FAT3: variants seen among roughly 807,000 people sequenced by gnomAD.
FAT3 encodes protocadherin Fat 3.
In FAT3, 95 loss-of-function variants were observed where a neutral mutation model predicts 310.2. The observed-to-expected ratio is 0.31, with a 90% CI of 0.26 to 0.36. The LOEUF (loss-of-function observed/expected upper bound fraction) is 0.36. FAT3 is among the 10% of genes least tolerant of loss of function. The probability of loss-of-function intolerance (pLI) is 1.00; values close to 1 mark genes in which losing one functional copy is unlikely to be tolerated. For synonymous variants in FAT3, 2,314 were observed against 2,192.9 expected (o/e 1.06, Z -1.54); for missense variants, 5,408 against 5,715.6 (o/e 0.95, Z 1.74).
At chr11:92,343,611 G>A in intron 1 of FAT3, among the ~76,000 whole-genome samples, 1 of 152,304 alleles carries the variant, frequency 6.6e-6, no homozygotes, top group Middle Eastern at 3.4e-3. Flanking sequence ...GTTAGACCTT[G>A]TAGCTCACAG....
intron 2 of FAT3, among the ~76,000 whole-genome samples, chr11:92,507,570 A>G (rs1455211255): frequency 6.6e-6 from 1 of 151,830 alleles, no homozygotes; most frequent in Non-Finnish European, 1.5e-5. Context: ...ATACACACAC[A>G]TATCCTATAT....
chr11:92,862,855 G>A (rs1949154446), intron 21 of FAT3, among the ~76,000 whole-genome samples: 1 of 152,104 alleles, frequency 6.6e-6, no homozygotes, highest in South Asian at 2.1e-4. Context: ...TTTTTTGCCT[G>A]TGAGGAAACT....
chr11:92,478,295 C>T (rs1477905594), intron 2 of FAT3, among the ~76,000 whole-genome samples: 1 of 152,172 alleles, frequency 6.6e-6, no homozygotes, highest in Non-Finnish European at 1.5e-5. Flanking sequence ...TTTTCCCAGT[C>T]ACCCAGACTT....
In FAT3 at chr11:92,568,487, G is replaced by A. The variant is rs538670836; in HGVS notation, c.3607+43539G>A. Among the ~76,000 whole-genome samples, 122 of 152,218 alleles carry A rather than the reference G, an allele frequency of 8.0e-4. 3 individuals carry two copies. In the South Asian group the frequency reaches 0.025, roughly 31 times the overall value. ...CATTGCCTCACGGGGATTGATGCTAGCAATGGAAAGAACATGAAATTTGTT... is the reference window on the plus strand; with the variant it reads ...CATTGCCTCACGGGGATTGATGCTAACAATGGAAAGAACATGAAATTTGTT... On this transcript the variant is annotated intron_variant, in intron 3 of 27. Coordinates refer to ENST00000525166, the MANE Select transcript of FAT3 (RefSeq NM_001367949.2).
rs751825746 is a variant in FAT3, at chr11:92,719,720, CTGTGTGTGTG to C, written c.3669+22317_3669+22326del. Among the ~76,000 whole-genome samples the C allele has an allele frequency of 3.0e-3, 404 of 136,846 alleles. 1 individual carries two copies. The highest frequency in any genetic ancestry group is 8.8e-3 in the African/African-American group (318 of 36,176). The allele number at this position is 136,846 out of a possible 152,430, so 89.8% of individuals were successfully genotyped here. On this transcript the variant is annotated intron_variant, in intron 4 of 27. Transcript: ENST00000525166. Reference sequence around the variant, plus strand: ...ACCCATGGATACAGGAGAACCAACTCTGTGTGTGTGTGTGTGTGTGTGTGTGTGTGTGTGT... The same window carrying C: ...ACCCATGGATACAGGAGAACCAACTCTGTGTGTGTGTGTGTGTGTGTGTGT...
intron 2 of FAT3, among the ~76,000 whole-genome samples, chr11:92,478,571 C>T (rs1302058061): frequency 6.6e-6 from 1 of 151,730 alleles, no homozygotes; most frequent in East Asian, 1.9e-4. Flanking sequence ...CCCCAAACAA[C>T]CTGACAACCT....
intron 3 of FAT3, among the ~76,000 whole-genome samples, chr11:92,533,886 G>A (rs1410735945): frequency 6.6e-6 from 1 of 152,068 alleles, no homozygotes; most frequent in East Asian, 1.9e-4. Context: ...GAATTATTTG[G>A]GAGGGTGATA....
chr11:92,748,391 T>C (rs771872728), intron 4 of FAT3, among the ~76,000 whole-genome samples: 1 of 152,180 alleles, frequency 6.6e-6, no homozygotes, highest in Non-Finnish European at 1.5e-5. Flanking sequence ...GAGATTTGGG[T>C]GGGGATAAAG....
chr11:92,284,134 A>G (rs527433928), intron 1 of FAT3, among the ~76,000 whole-genome samples: 95 of 152,234 alleles, frequency 6.2e-4, no homozygotes, highest in Non-Finnish European at 1.2e-3. Context: ...GGTGCAGAAT[A>G]AAGTGCACCT....
intron 2 of FAT3, among the ~76,000 whole-genome samples, chr11:92,393,134 A>G (rs147249413): frequency 3.9e-5 from 6 of 152,218 alleles, no homozygotes; most frequent in Non-Finnish European, 7.4e-5. Context: ...TCTAGCTGCT[A>G]TTTCTTTTCC....
At chr11:92,822,627 TCA>T (rs1431328281) in intron 13 of FAT3, among the ~76,000 whole-genome samples, 9 of 152,172 alleles carry the variant, frequency 5.9e-5, no homozygotes, top group Admixed American at 3.9e-4. Flanking sequence ...TAATAACTTC[TCA>T]CATATTACAA....
Position 92,831,716 on chromosome 11 carries a change from A to C in FAT3, c.9576A>C (p.Pro3192=). Residue 3192 remains proline (P), a synonymous_variant, in exon 14 of 28, where the codon CCA becomes CCC. Transcript: ENST00000525166. The part of the protein sequence containing the change: ...SSSGIIILEQ[P]LDREQQSSYN... ...CTGGCATCATCATCCTGGAGCAGCC[A>C]CTGGACCGTGAGCAGCAGTCTTCGT... 6.2e-7 allele frequency: 1 copy of C among 1,613,602 alleles called. No individual in the cohort carries two copies. The highest frequency in any genetic ancestry group is 8.5e-7 in the Non-Finnish European group (1 of 1,179,780).
chr11:92,698,678 G>A, intron 4 of FAT3, among the ~76,000 whole-genome samples: 1 of 151,430 alleles, frequency 6.6e-6, no homozygotes, highest in East Asian at 1.9e-4. Context: ...AAGGCTCCAG[G>A]CTGCCAAAAA....
chr11:92,258,344 G>T (rs1265925244), intron 1 of FAT3, among the ~76,000 whole-genome samples: 1 of 152,112 alleles, frequency 6.6e-6, no homozygotes, highest in African/African-American at 2.4e-5. Context: ...AAAGCACTAG[G>T]TATACAAAGG....
intron 3 of FAT3, among the ~76,000 whole-genome samples, chr11:92,557,555 G>A (rs1955066379): frequency 6.6e-6 from 1 of 152,148 alleles, no homozygotes; most frequent in South Asian, 2.1e-4. Flanking sequence ...CCAGGCCACT[G>A]ATCTCCTTAG....
chr11:92,570,544 G>A (rs1955635740), intron 3 of FAT3, among the ~76,000 whole-genome samples: 1 of 152,096 alleles, frequency 6.6e-6, no homozygotes, highest in Non-Finnish European at 1.5e-5. Flanking sequence ...TCCATCCTTA[G>A]CCACTCTTGT....
chr11:92,793,581 A>C (rs759694416), intron 9 of FAT3, among the ~76,000 whole-genome samples: 1 of 152,236 alleles, frequency 6.6e-6, no homozygotes, highest in African/African-American at 2.4e-5. Flanking sequence ...TCTATAAGGT[A>C]AGATCATAGT....
intron 4 of FAT3, among the ~76,000 whole-genome samples, chr11:92,728,952 T>G (rs1945087414): frequency 6.6e-6 from 1 of 152,210 alleles, no homozygotes; most frequent in African/African-American, 2.4e-5. Flanking sequence ...AAAGACCCCT[T>G]TTTCAAATTA....
chr11:92,674,766 C>T (rs1011217699), intron 3 of FAT3, among the ~76,000 whole-genome samples: 1 of 152,036 alleles, frequency 6.6e-6, no homozygotes, highest in South Asian at 2.1e-4. Context: ...CATGCTCAAG[C>T]GATCTTCCCA....
Sources: allele counts gnomAD v4.1 joint callset (sites outside exome capture counted in the v4.1 genomes callset), GRCh38; gene constraint gnomAD v4.1.1; transcripts MANE v1.5; gene names NCBI Gene and HGNC (gene_info 2026-07-23, HGNC 2026-07-21).